The following GYPE variants were observed in gnomAD, a reference collection of about 807,000 sequenced individuals.
The protein encoded by GYPE is glycophorin E (MNS blood group).
Under a neutral mutation model 11.6 loss-of-function variants are expected in GYPE, and 8 were observed. That is an observed-to-expected ratio of 0.69 (90% CI 0.41 to 1.25). GYPE has a LOEUF of 1.25. Among genes scored for constraint, GYPE ranks in the 50% most tolerant of loss-of-function variants. The probability of loss-of-function intolerance (pLI) is 0.01; values close to 1 mark genes in which losing one functional copy is unlikely to be tolerated. For synonymous variants in GYPE, 28 were observed against 29.6 expected (o/e 0.94, Z 0.18); for missense variants, 90 against 92.8 (o/e 0.97, Z 0.12).
chr4:143,871,199 AT>A lies in GYPE; in HGVS notation c.*1062del, dbSNP rs1310979997. The A allele has an allele frequency of 1.3e-5, 2 of 152,008 alleles. No individual in the cohort carries two copies. Among genetic ancestry groups the A allele is most frequent in the Non-Finnish European group, 2.9e-5 (2 of 68,038 alleles). 9.4% of individuals were successfully genotyped at this position (152,008 alleles called of 1,614,324 possible). ...GGAACACAGCCAAACCATATCAGTC[AT>A]TCCACATATTGAGTGATTTCTCTCT... On this transcript the variant is annotated 3_prime_UTR_variant, in exon 4 of 4. Transcript: ENST00000358615.
At chr4:143,877,190 G>GA (rs1233775187) in intron 2 of GYPE, among the ~76,000 whole-genome samples, 3 of 152,096 alleles carry the variant, frequency 2.0e-5, no homozygotes, top group Non-Finnish European at 2.9e-5. Context: ...CAGATATGGG[G>GA]AAAAAACCAC....
intron 1 of GYPE, among the ~76,000 whole-genome samples, chr4:143,884,998 A>T (rs1744180230): frequency 6.6e-6 from 1 of 151,070 alleles, no homozygotes; most frequent in African/African-American, 2.4e-5. Flanking sequence ...AGGGGAAAAA[A>T]AAACATGCCA....
In GYPE at chr4:143,870,984, G is replaced by A. The variant is rs951339405; in HGVS notation, c.*1278C>T. ...ACACATCTTTCTTACATAGTGGCAG[G>A]AAGGAGAAGAATGAGAGCTGAGTGA... is the stretch of plus-strand genomic sequence containing the variant. On this transcript the variant is annotated 3_prime_UTR_variant, in exon 4 of 4. Transcript: ENST00000358615. The A allele has an allele frequency of 6.6e-6, 1 of 151,786 alleles. No homozygotes were observed. Among genetic ancestry groups the A allele is most frequent in the African/African-American group, 2.4e-5 (1 of 41,140 alleles). 9.4% of individuals were successfully genotyped at this position (151,786 alleles called of 1,614,324 possible).
intron 1 of GYPE, among the ~76,000 whole-genome samples, chr4:143,900,078 G>T (rs1347072976): frequency 2.7e-5 from 4 of 150,774 alleles, no homozygotes; most frequent in Non-Finnish European, 4.4e-5. Flanking sequence ...AACATAGAAA[G>T]AACTCTTACA....
chr4:143,872,765 C>CA (rs1177320376), intron 3 of GYPE, among the ~76,000 whole-genome samples: 2 of 151,640 alleles, frequency 1.3e-5, no homozygotes, highest in Non-Finnish European at 1.5e-5. Context: ...AGATATGAAG[C>CA]AAAAAAAGGA....
intron 3 of GYPE, among the ~76,000 whole-genome samples, chr4:143,876,272 C>T (rs1443301851): frequency 1.3e-5 from 2 of 152,078 alleles, no homozygotes; most frequent in Non-Finnish European, 2.9e-5. Context: ...CACCACCACG[C>T]CTTTCTAATT....
intron 1 of GYPE, among the ~76,000 whole-genome samples, chr4:143,890,066 G>A (rs1172191148): frequency 3.3e-5 from 5 of 152,180 alleles, no homozygotes; most frequent in Non-Finnish European, 5.9e-5. Flanking sequence ...TCTCAAGCAA[G>A]CCTTCACTTC....
intron 1 of GYPE, among the ~76,000 whole-genome samples, chr4:143,889,593 C>A (rs920582686): frequency 1.3e-5 from 2 of 152,182 alleles, no homozygotes. Flanking sequence ...CCTCAAACTC[C>A]TAGGCTCAAG....
chr4:143,877,314 C>G (rs1294641060), intron 2 of GYPE, among the ~76,000 whole-genome samples: 1 of 152,044 alleles, frequency 6.6e-6, no homozygotes, highest in Non-Finnish European at 1.5e-5. Context: ...AAACAGTTTA[C>G]AAATGAAGAA....
At chr4:143,896,713 T>G (rs975030336) in intron 1 of GYPE, among the ~76,000 whole-genome samples, 15 of 152,280 alleles carry the variant, frequency 9.9e-5, no homozygotes, top group African/African-American at 3.6e-4. Context: ...CACATGTATG[T>G]TTATTGCGGC....
intron 2 of GYPE, among the ~76,000 whole-genome samples, chr4:143,880,152 A>G (rs1743968803): frequency 6.6e-6 from 1 of 152,066 alleles, no homozygotes; most frequent in South Asian, 2.1e-4. Flanking sequence ...CTGGCCCACT[A>G]TTTCATGGTC....
At chr4:143,894,380 G>A (rs1159121847) in intron 1 of GYPE, among the ~76,000 whole-genome samples, 2 of 152,054 alleles carry the variant, frequency 1.3e-5, no homozygotes, top group African/African-American at 4.8e-5. Context: ...GAGGAGGAGA[G>A]GTGCTCTGCT....
At chr4:143,890,530 T>C (rs1440149629) in intron 1 of GYPE, among the ~76,000 whole-genome samples, 1 of 152,208 alleles carries the variant, frequency 6.6e-6, no homozygotes, top group African/African-American at 2.4e-5. Flanking sequence ...AACTAGTTTG[T>C]TCTCATCCTT....
chr4:143,897,939 A>G (rs1408581951), intron 1 of GYPE, among the ~76,000 whole-genome samples: 2 of 152,236 alleles, frequency 1.3e-5, no homozygotes, highest in African/African-American at 4.8e-5. Context: ...AACATAGTAT[A>G]TATATCAAAA....
chr4:143,880,656 T>C, intron 1 of GYPE, 147 bp from the exon 2 acceptor site: 1 of 1,325,424 alleles, frequency 7.5e-7, no homozygotes, highest in South Asian at 1.3e-5. Flanking sequence ...TTTAGAGAAT[T>C]GCTGTGTGGT....
At chr4:143,877,654 G>A (rs1321847623) in intron 2 of GYPE, among the ~76,000 whole-genome samples, 27 of 152,136 alleles carry the variant, frequency 1.8e-4, no homozygotes, top group African/African-American at 6.0e-4. Flanking sequence ...GATAAAAAGT[G>A]AAAGTAGCAT....
At chr4:143,884,032 T>G (rs1333824256) in intron 1 of GYPE, among the ~76,000 whole-genome samples, 2 of 152,030 alleles carry the variant, frequency 1.3e-5, no homozygotes, top group Admixed American at 6.6e-5. Flanking sequence ...ATTTTCTTTG[T>G]GAACACCTGC....
At chr4:143,901,507 T>C (rs1744867009) in intron 1 of GYPE, among the ~76,000 whole-genome samples, 1 of 152,018 alleles carries the variant, frequency 6.6e-6, no homozygotes, top group Admixed American at 6.6e-5. Context: ...AGTTTTAGTT[T>C]AGTTCATTTA....
chr4:143,875,980 A>AG (rs1743790726), intron 3 of GYPE, among the ~76,000 whole-genome samples: 1 of 152,076 alleles, frequency 6.6e-6, no homozygotes, highest in African/African-American at 2.4e-5. Flanking sequence ...TGTCTAAAAA[A>AG]AAAAAAATAA....
Sources: allele counts gnomAD v4.1 joint callset (sites outside exome capture counted in the v4.1 genomes callset), GRCh38; gene constraint gnomAD v4.1.1; transcripts MANE v1.5; gene names NCBI Gene and HGNC (gene_info 2026-07-23, HGNC 2026-07-21).